The following IL1RAPL2 variants were observed in gnomAD, a reference collection of about 807,000 sequenced individuals.
IL1RAPL2 encodes the protein X-linked interleukin-1 receptor accessory protein-like 2.
A neutral mutation model predicts 44.1 loss-of-function variants in IL1RAPL2; 3 were observed. The observed-to-expected ratio is 0.07, with a 90% CI of 0.03 to 0.18. The LOEUF is 0.18. IL1RAPL2 is among the 10% of genes least tolerant of loss of function. The pLI is 1.00. For synonymous variants in IL1RAPL2, 181 were observed against 178.8 expected, an observed-to-expected ratio of 1.01 and a Z score of -0.10; for missense variants, 391 against 496.4, an observed-to-expected ratio of 0.79 and a Z score of 2.02.
chrX:105,149,618 GGTCA>G (rs965307372), intron 2 of IL1RAPL2, among the ~76,000 whole-genome samples: 3 of 110,755 alleles, frequency 2.7e-5, no homozygotes, highest in African/African-American at 9.9e-5. Context: ...GATCACCTGA[GGTCA>G]GGAGTTCAAG....
chrX:104,717,366 A>C (rs1931589765), intron 2 of IL1RAPL2, among the ~76,000 whole-genome samples: 1 of 107,756 alleles, frequency 9.3e-6, no homozygotes, highest in South Asian at 4.2e-4. Flanking sequence ...CAAACCCTGT[A>C]TTACTTCATT....
At chrX:104,782,451 C>T in intron 2 of IL1RAPL2, among the ~76,000 whole-genome samples, 1 of 111,596 alleles carries the variant, frequency 9.0e-6, no homozygotes, top group Non-Finnish European at 1.9e-5. Flanking sequence ...CTTAAATATT[C>T]ATGCTAATAT....
chrX:104,874,279 C>CCTCT (rs59789265), intron 2 of IL1RAPL2, among the ~76,000 whole-genome samples: 4,889 of 76,185 alleles, frequency 0.064, 250 homozygotes, highest in East Asian at 0.18. Context: ...TGTCTGTATT[C>CCTCT]CTCTCTCTCT....
chrX:104,820,607 T>C (rs936759367), intron 2 of IL1RAPL2, among the ~76,000 whole-genome samples: 1 of 111,782 alleles, frequency 8.9e-6, no homozygotes, highest in South Asian at 3.7e-4. Flanking sequence ...TCTAACTCAG[T>C]ACAACATTTC....
intron 6 of IL1RAPL2, among the ~76,000 whole-genome samples, chrX:105,656,755 A>G (rs1266341791): frequency 1.8e-5 from 2 of 111,724 alleles, no homozygotes; most frequent in African/African-American, 6.5e-5. Context: ...CAGGGTGTAC[A>G]GTTGACAAAT....
At chrX:105,549,469 G>T (rs921173727) in intron 6 of IL1RAPL2, among the ~76,000 whole-genome samples, 3 of 111,198 alleles carry the variant, frequency 2.7e-5, no homozygotes, top group Non-Finnish European at 3.8e-5. Flanking sequence ...ATGGAATGTT[G>T]TGAGCAGACA....
intron 6 of IL1RAPL2, among the ~76,000 whole-genome samples, chrX:105,523,581 C>T (rs1022771622): frequency 9.0e-6 from 1 of 111,167 alleles, no homozygotes; most frequent in Non-Finnish European, 1.9e-5. Context: ...TTTCATCCAT[C>T]CCATTTGCTA....
intron 2 of IL1RAPL2, among the ~76,000 whole-genome samples, chrX:104,961,414 C>G (rs1355954215): frequency 8.9e-6 from 1 of 111,740 alleles, no homozygotes; most frequent in Non-Finnish European, 1.9e-5. Context: ...TCCTTTGTTT[C>G]CATCCACTCT....
chrX:105,018,714 T>C (rs765765694), intron 2 of IL1RAPL2, among the ~76,000 whole-genome samples: 28 of 111,385 alleles, frequency 2.5e-4, no homozygotes, highest in Admixed American at 9.6e-4. Flanking sequence ...TGCATGCAAG[T>C]GATATTACCT....
intron 5 of IL1RAPL2, among the ~76,000 whole-genome samples, chrX:105,391,518 G>A (rs911162919): frequency 4.4e-4 from 42 of 94,495 alleles, no homozygotes; most frequent in Admixed American, 1.1e-3. Context: ...AGGATGTGGA[G>A]AAATAGGAAC....
At chrX:105,628,981 C>T (rs139228521) in intron 6 of IL1RAPL2, among the ~76,000 whole-genome samples, 3,071 of 110,698 alleles carry the variant, frequency 0.028, 125 homozygotes, top group African/African-American at 0.097. Context: ...TGAACATTTA[C>T]TGGAAGTTTA....
At chrX:105,693,571 C>A (rs1476731862) in intron 6 of IL1RAPL2, among the ~76,000 whole-genome samples, 2 of 111,969 alleles carry the variant, frequency 1.8e-5, no homozygotes, top group Non-Finnish European at 3.8e-5. Context: ...GTTGGCAGAA[C>A]CATGAGCCAA....
chrX:104,713,644 A>G (rs1931502316), intron 2 of IL1RAPL2, among the ~76,000 whole-genome samples: 1 of 110,773 alleles, frequency 9.0e-6, no homozygotes, highest in African/African-American at 3.3e-5. Flanking sequence ...AAATTACTTC[A>G]GTTAAGTTGT....
chrX:105,127,584 A>C (rs1397100416), intron 2 of IL1RAPL2, among the ~76,000 whole-genome samples: 3 of 110,965 alleles, frequency 2.7e-5, no homozygotes, highest in African/African-American at 9.8e-5. Flanking sequence ...TGGCTTGTCC[A>C]AATTCACATG....
At chrX:104,720,993 C>T (rs1310178504) in intron 2 of IL1RAPL2, among the ~76,000 whole-genome samples, 1 of 111,120 alleles carries the variant, frequency 9.0e-6, no homozygotes, top group Non-Finnish European at 1.9e-5. Context: ...CATCTCATAC[C>T]AGTCAGGATG....
At chrX:104,765,638 G>C (rs970668611) in intron 2 of IL1RAPL2, among the ~76,000 whole-genome samples, 1 of 111,943 alleles carries the variant, frequency 8.9e-6, no homozygotes, top group Admixed American at 9.5e-5. Context: ...TCTGGTCTTT[G>C]TGGGAGAACC....
chrX:105,719,448 GAACACAACATA>G (rs2038284045), intron 7 of IL1RAPL2, among the ~76,000 whole-genome samples: 1 of 111,361 alleles, frequency 9.0e-6, no homozygotes, highest in Non-Finnish European at 1.9e-5. Flanking sequence ...GTGTGTGATA[GAACACAACATA>G]ATATAAAATT....
chrX:105,417,123 A>G (rs1366951785), intron 5 of IL1RAPL2, among the ~76,000 whole-genome samples: 1 of 112,448 alleles, frequency 8.9e-6, no homozygotes. Flanking sequence ...TAAAGAAACA[A>G]AATCGTGAGA....
At chrX:104,791,936 G>T (rs189351291) in intron 2 of IL1RAPL2, among the ~76,000 whole-genome samples, 2 of 109,967 alleles carry the variant, frequency 1.8e-5, no homozygotes, top group African/African-American at 6.6e-5. Flanking sequence ...ATGCCTTTTC[G>T]GGGCTACTTG....
Sources: gnomAD v4.1 joint callset for allele counts (sites outside exome capture counted in the v4.1 genomes callset) on GRCh38, gnomAD v4.1.1 for gene constraint, MANE v1.5 for transcripts, NCBI Gene and HGNC (gene_info 2026-07-23, HGNC 2026-07-21) for gene names.